Variants in IQCH observed in about 807,000 individuals in gnomAD.
IQCH encodes the protein IQ motif containing H.
A neutral mutation model predicts 117.0 loss-of-function variants in IQCH; 98 were observed. The observed-to-expected ratio is 0.84, with a 90% CI of 0.71 to 0.99. The LOEUF (loss-of-function observed/expected upper bound fraction) is 0.99. Ranked by LOEUF, IQCH falls within the 50% of genes least tolerant of loss-of-function variation. The pLI is 0.00. For missense variants in IQCH, 1,102 were observed against 1,243.8 expected (o/e 0.89, Z 1.72); for synonymous variants, 412 against 448.2 (o/e 0.92, Z 1.02).
At chr15:67,470,908 C>G (rs1186827512) in intron 17 of IQCH, among the ~76,000 whole-genome samples, 1 of 152,178 alleles carries the variant, frequency 6.6e-6, no homozygotes, top group African/African-American at 2.4e-5. Flanking sequence ...CCTTTTCCCC[C>G]TTTTATACCC....
rs1051703856 is a variant in IQCH at position 67,431,680 on chromosome 15, G to A, written c.2505+10103G>A. Reference sequence around the variant, plus strand: ...TGTTCTTTATATTTCACAGGAAATTGAATAGATATAAGGTTCATTAATTAT... The same window carrying A: ...TGTTCTTTATATTTCACAGGAAATTAAATAGATATAAGGTTCATTAATTAT... On this transcript the variant is annotated intron_variant, in intron 16 of 20. Coordinates refer to ENST00000335894, the MANE Select transcript of IQCH (RefSeq NM_001031715.3). This position sits in a 1 kb window ranked among gnomAD's most constrained non-coding sequence, Gnocchi z 4.8. Among the ~76,000 whole-genome samples, 3 of 152,072 alleles carry A rather than the reference G, an allele frequency of 2.0e-5. No homozygotes were observed. The highest frequency in any genetic ancestry group is 4.4e-5 in the Non-Finnish European group (3 of 68,012).
rs913219953 is a variant in IQCH at position 67,376,927 on chromosome 15, G to C, written c.1372+3494G>C. ...AGGTCAAGAGATCGAGACCATCCTG[G>C]CCAACATGGTGAAACCCCGTCTCTA... On this transcript the variant is annotated intron_variant, in intron 10 of 20. Transcript: ENST00000335894. This position sits in a 1 kb window ranked among gnomAD's most constrained non-coding sequence, Gnocchi z 5.0. 1.3e-5 allele frequency among the ~76,000 whole-genome samples: 2 copies of C among 151,926 alleles called. No individual in the cohort carries two copies. The highest frequency in any genetic ancestry group is 2.9e-5 in the Non-Finnish European group (2 of 67,988).
chr15:67,399,136 T>C (rs779505820), intron 13 of IQCH, among the ~76,000 whole-genome samples: 3 of 152,130 alleles, frequency 2.0e-5, no homozygotes, highest in Non-Finnish European at 4.4e-5. Flanking sequence ...GGCAGCACAG[T>C]AAAGAGGGAA....
intron 6 of IQCH, among the ~76,000 whole-genome samples, chr15:67,344,541 A>G (rs1286658078): frequency 6.6e-6 from 1 of 152,218 alleles, no homozygotes; most frequent in Non-Finnish European, 1.5e-5. Flanking sequence ...TCTGTATGCA[A>G]ACTCAAAAAC....
At chr15:67,257,056 C>T (rs1319772205) in intron 1 of IQCH, among the ~76,000 whole-genome samples, 1 of 152,168 alleles carries the variant, frequency 6.6e-6, no homozygotes, top group Non-Finnish European at 1.5e-5. Context: ...AGACAGGCTA[C>T]CAATAATTAG....
Position 67,369,691 on chromosome 15 carries a change from T to C in IQCH, c.754-2420T>C, listed in dbSNP as rs1354705691. The stretch of plus-strand genomic sequence containing the variant: ...ACAGAATGAGCCAGAACCTGAAGCA[T>C]GGCATGACCTTTAATCAGGGCTCTT... On this transcript the variant is annotated intron_variant, in intron 8 of 20. Transcript: ENST00000335894. This position sits in a 1 kb window ranked among gnomAD's most constrained non-coding sequence, Gnocchi z 5.2. Among the ~76,000 whole-genome samples the C allele has an allele frequency of 6.6e-6, 1 of 152,208 alleles. No homozygotes were observed. Among genetic ancestry groups the C allele is most frequent in the Admixed American group, 6.5e-5 (1 of 15,278 alleles).
At chr15:67,293,262 G>A (rs1966811009) in intron 4 of IQCH, among the ~76,000 whole-genome samples, 1 of 152,122 alleles carries the variant, frequency 6.6e-6, no homozygotes, top group African/African-American at 2.4e-5. Context: ...TGCTCTCATG[G>A]AGCTTACATT....
intron 6 of IQCH, among the ~76,000 whole-genome samples, chr15:67,349,438 G>A (rs1318759768): frequency 6.6e-6 from 1 of 152,188 alleles, no homozygotes; most frequent in East Asian, 1.9e-4. Flanking sequence ...GGCCAACATG[G>A]TGAAACCCCG....
At chr15:67,343,983 A>G (rs1243525373) in intron 5 of IQCH, 80 bp from the exon 6 acceptor site, 4 of 1,260,932 alleles carry the variant, frequency 3.2e-6, no homozygotes, top group Non-Finnish European at 3.4e-6. Context: ...GGAGTAAGTT[A>G]CACTTGTGAA....
chr15:67,302,187 A>G (rs950581636), intron 4 of IQCH, among the ~76,000 whole-genome samples: 2 of 152,242 alleles, frequency 1.3e-5, no homozygotes, highest in African/African-American at 4.8e-5. Context: ...AGCTATTACC[A>G]TCAATTCTGT....
chr15:67,294,177 G>C (rs1385340035), intron 4 of IQCH, among the ~76,000 whole-genome samples: 1 of 152,108 alleles, frequency 6.6e-6, no homozygotes, highest in East Asian at 1.9e-4. Context: ...CATATAGTAT[G>C]TTCTTCCAAC....
chr15:67,308,543 C>A (rs1450340713), intron 4 of IQCH, among the ~76,000 whole-genome samples: 1 of 152,120 alleles, frequency 6.6e-6, no homozygotes, highest in Non-Finnish European at 1.5e-5. Context: ...TGGTGGCATG[C>A]ACAACATCCC....
intron 3 of IQCH, among the ~76,000 whole-genome samples, chr15:67,272,200 A>G (rs1004823693): frequency 5.3e-5 from 8 of 151,872 alleles, no homozygotes; most frequent in African/African-American, 1.7e-4. Context: ...TTTAGTTTCC[A>G]TGTGTTTCTG....
At chr15:67,272,961 T>G (rs1378882852) in intron 3 of IQCH, among the ~76,000 whole-genome samples, 2 of 152,228 alleles carry the variant, frequency 1.3e-5, no homozygotes, top group Non-Finnish European at 2.9e-5. Context: ...TTGCTTGTTT[T>G]CTGGTTGTTT....
intron 16 of IQCH, among the ~76,000 whole-genome samples, chr15:67,448,797 C>A (rs900057124): frequency 6.6e-6 from 1 of 152,098 alleles, no homozygotes; most frequent in African/African-American, 2.4e-5. Flanking sequence ...CCTGAGGAAT[C>A]GCCACACTGA....
intron 10 of IQCH, among the ~76,000 whole-genome samples, chr15:67,375,657 G>C (rs1287710687): frequency 6.6e-6 from 1 of 151,876 alleles, no homozygotes; most frequent in African/African-American, 2.4e-5. Context: ...TAATTTCTAA[G>C]AGATAAGAAC....
chr15:67,344,252 T>A, intron 6 of IQCH, 61 bp downstream of exon 6: 2 of 1,538,448 alleles, frequency 1.3e-6, no homozygotes, highest in South Asian at 2.4e-5. Flanking sequence ...CTGCCCCAGA[T>A]CTAGCCTTCT....
At chr15:67,348,255 G>A (rs1381089817) in intron 6 of IQCH, among the ~76,000 whole-genome samples, 2 of 152,006 alleles carry the variant, frequency 1.3e-5, no homozygotes, top group Admixed American at 6.6e-5. Flanking sequence ...AGCCAATGCA[G>A]TGAGGTAAGA....
rs1000077292 is a variant in IQCH at position 67,388,682 on chromosome 15, T to C, written c.1457-149T>C. 3.4e-6 allele frequency: 2 copies of C among 594,126 alleles called. No individual in the cohort carries two copies. The highest frequency in any genetic ancestry group is 5.8e-5 in the South Asian group (2 of 34,210). 36.8% of individuals were successfully genotyped at this position (594,126 alleles called of 1,614,324 possible). On this transcript the variant is annotated intron_variant, in intron 11 of 20. Transcript: ENST00000335894. This position sits in a 1 kb window ranked among gnomAD's most constrained non-coding sequence, Gnocchi z 5.5. The stretch of plus-strand genomic sequence containing the variant: ...ACTGTAAAAAAGCCAGTTAGATTGC[T>C]CAGATAGTACAAAACCAAACTAAAT...
Sources: gnomAD v4.1 joint callset for allele counts (sites outside exome capture counted in the v4.1 genomes callset) on GRCh38, gnomAD v4.1.1 for gene constraint, Gnocchi (gnomAD v3.1) non-coding constraint, MANE v1.5 for transcripts, NCBI Gene and HGNC (gene_info 2026-07-23, HGNC 2026-07-21) for gene names.